NKAIN3: variants seen among roughly 807,000 people sequenced by gnomAD.
NKAIN3 encodes sodium/potassium transporting ATPase interacting 3.
Under a neutral mutation model 30.2 loss-of-function variants are expected in NKAIN3, and 25 were observed. The ratio of observed to expected loss-of-function variants is 0.83; its 90% confidence interval spans 0.60 to 1.16. NKAIN3 has a LOEUF of 1.16. NKAIN3 is among the 50% of genes most tolerant of loss of function. NKAIN3 has a pLI of 0.00. For synonymous variants in NKAIN3, 91 were observed against 89.6 expected (o/e 1.02, Z -0.09); for missense variants, 225 against 254.1 (o/e 0.89, Z 0.78).
chr8:62,642,130 A>C (rs1812328381), intron 3 of NKAIN3, among the ~76,000 whole-genome samples: 1 of 152,118 alleles, frequency 6.6e-6, no homozygotes, highest in Non-Finnish European at 1.5e-5. Flanking sequence ...AAGTTGAGAA[A>C]ATAACGATGA....
At chr8:62,513,533 TGGTAAA>T (rs562624075) in intron 1 of NKAIN3, among the ~76,000 whole-genome samples, 156 of 151,924 alleles carry the variant, frequency 1.0e-3, no homozygotes, top group African/African-American at 3.7e-3. Flanking sequence ...GGCGTTAGTG[TGGTAAA>T]GGTAGAGAAG....
At chr8:62,518,757 TTGTC>T (rs1437617549) in intron 1 of NKAIN3, among the ~76,000 whole-genome samples, 2 of 152,300 alleles carry the variant, frequency 1.3e-5, no homozygotes, top group East Asian at 1.9e-4. Context: ...TTGAAATAGT[TTGTC>T]TGTGTATTTG....
intron 1 of NKAIN3, among the ~76,000 whole-genome samples, chr8:62,320,383 AG>A (rs1266307488): frequency 6.6e-6 from 1 of 152,112 alleles, no homozygotes; most frequent in African/African-American, 2.4e-5. Flanking sequence ...TTATGATGTT[AG>A]CTGGTTATTT....
chr8:62,734,012 T>A (rs1815567262), intron 3 of NKAIN3, among the ~76,000 whole-genome samples: 2 of 152,232 alleles, frequency 1.3e-5, no homozygotes. Context: ...CTGGGTATAG[T>A]GGTTCACACC....
intron 1 of NKAIN3, among the ~76,000 whole-genome samples, chr8:62,283,871 A>G (rs1352848003): frequency 6.6e-6 from 1 of 152,170 alleles, no homozygotes; most frequent in Admixed American, 6.6e-5. Context: ...AGTAAAAAAC[A>G]TATGAAAGGT....
chr8:62,467,547 A>G (rs957109112), intron 1 of NKAIN3, among the ~76,000 whole-genome samples: 1 of 152,142 alleles, frequency 6.6e-6, no homozygotes, highest in African/African-American at 2.4e-5. Flanking sequence ...AAAGCATCAC[A>G]CTTTTCATTA....
At chr8:62,402,045 G>A (rs368480799) in intron 1 of NKAIN3, among the ~76,000 whole-genome samples, 194 of 152,336 alleles carry the variant, frequency 1.3e-3, no homozygotes, top group African/African-American at 4.6e-3. Context: ...CAGAGATGCT[G>A]TCTGGCAGCC....
At chr8:62,683,204 TG>T (rs1184492418) in intron 3 of NKAIN3, among the ~76,000 whole-genome samples, 30 of 151,970 alleles carry the variant, frequency 2.0e-4, no homozygotes, top group African/African-American at 7.0e-4. Flanking sequence ...CGGCTAATTT[TG>T]TTGTATTTTT....
downstream of NKAIN3, among the ~76,000 whole-genome samples, chr8:62,988,443 T>A (rs1824248505): frequency 6.6e-6 from 1 of 152,232 alleles, no homozygotes; most frequent in Non-Finnish European, 1.5e-5. Flanking sequence ...TTTCCATACA[T>A]CCTCTGAAAT....
At position 62,870,262 on chromosome 8, in the gene NKAIN3, C is replaced by CTATAGATATCTATATCTATATA. The variant is rs1820576929; in HGVS notation, c.472-48187_472-48186insGATATCTATATCTATATATATA. 3.8e-5 allele frequency among the ~76,000 whole-genome samples: 3 copies of CTATAGATATCTATATCTATATA among 79,316 alleles called. 1 individual carries two copies. Among genetic ancestry groups the CTATAGATATCTATATCTATATA allele is most frequent in the Non-Finnish European group, 9.5e-5 (3 of 31,676 alleles). 52.0% of individuals were successfully genotyped at this position (79,316 alleles called of 152,430 possible). A position where few individuals can be genotyped will look rare whatever the true frequency, so the allele number is the denominator to read the frequency against. On this transcript the variant is annotated intron_variant, in intron 4 of 6. Transcript: ENST00000623646. ...TATCTATAGATATCTATATATATAT[C>CTATAGATATCTATATCTATATA]TATATATAGATATATATAAATATCT...
chr8:62,441,386 G>T (rs536629800), intron 1 of NKAIN3, among the ~76,000 whole-genome samples: 1 of 152,074 alleles, frequency 6.6e-6, no homozygotes, highest in African/African-American at 2.4e-5. Flanking sequence ...TCAGGGAAAA[G>T]AGTGTAACTT....
intron 5 of NKAIN3, among the ~76,000 whole-genome samples, chr8:62,919,227 A>ATT (rs71255371): frequency 0.023 from 1,076 of 47,170 alleles, 99 homozygotes; most frequent in Admixed American, 0.033. Context: ...TACTTTCAAA[A>ATT]TTTTTTTTTT....
chr8:62,333,846 A>G (rs1022731176), intron 1 of NKAIN3, among the ~76,000 whole-genome samples: 10 of 152,108 alleles, frequency 6.6e-5, no homozygotes, highest in Non-Finnish European at 1.5e-4. Context: ...ACAGTTATCC[A>G]TCACCAAACT....
chr8:62,442,251 A>G (rs1805350410), intron 1 of NKAIN3, among the ~76,000 whole-genome samples: 1 of 151,960 alleles, frequency 6.6e-6, no homozygotes, highest in Non-Finnish European at 1.5e-5. Context: ...GGTGGAAAGG[A>G]ATATATTTAA....
chr8:62,412,922 C>G (rs76479851), intron 1 of NKAIN3, among the ~76,000 whole-genome samples: 1 of 79,528 alleles, frequency 1.3e-5, no homozygotes, highest in Admixed American at 1.3e-4. Context: ...AAAAAAAAAA[C>G]AAAAAAAAAA....
At chr8:62,317,842 C>G (rs941089489) in intron 1 of NKAIN3, among the ~76,000 whole-genome samples, 9 of 152,200 alleles carry the variant, frequency 5.9e-5, no homozygotes, top group Non-Finnish European at 1.2e-4. Context: ...ATGGGCATGG[C>G]ATTGAATCTA....
intron 4 of NKAIN3, among the ~76,000 whole-genome samples, chr8:62,792,067 A>G (rs1371122674): frequency 6.6e-6 from 1 of 152,142 alleles, no homozygotes; most frequent in Non-Finnish European, 1.5e-5. Context: ...GGATACTAAT[A>G]TAAAAATTTC....
At chr8:62,672,193 G>A (rs1813325809) in intron 3 of NKAIN3, among the ~76,000 whole-genome samples, 1 of 152,216 alleles carries the variant, frequency 6.6e-6, no homozygotes, top group African/African-American at 2.4e-5. Context: ...ACTACAGCTA[G>A]ATGTGTGGTT....
chr8:62,757,576 C>G (rs867936311), intron 4 of NKAIN3, among the ~76,000 whole-genome samples: 2 of 152,122 alleles, frequency 1.3e-5, no homozygotes, highest in African/African-American at 2.4e-5. Context: ...GAGTTCTAAA[C>G]TTAATTTCTC....
Sources: allele counts gnomAD v4.1 joint callset (sites outside exome capture counted in the v4.1 genomes callset), GRCh38; gene constraint gnomAD v4.1.1; transcripts MANE v1.5; gene names NCBI Gene and HGNC (gene_info 2026-07-23, HGNC 2026-07-21).